Variants in SLC9A9 observed in about 807,000 individuals in gnomAD.
The protein encoded by SLC9A9 is sodium/hydrogen exchanger 9.
A neutral mutation model predicts 77.8 loss-of-function variants in SLC9A9; 62 were observed. The ratio of observed to expected loss-of-function variants is 0.80; its 90% CI spans 0.65 to 0.98. The LOEUF (loss-of-function observed/expected upper bound fraction) is 0.98. SLC9A9 is among the 50% of genes least tolerant of loss of function. The probability of loss-of-function intolerance (pLI) is 0.00; values close to 1 mark genes in which losing one functional copy is unlikely to be tolerated. For synonymous variants in SLC9A9, 320 were observed against 283.5 expected (o/e 1.13, Z -1.29); for missense variants, 775 against 774.9 (o/e 1.00, Z 0.00).
intron 6 of SLC9A9, among the ~76,000 whole-genome samples, chr3:143,650,140 G>C (rs2038773024): frequency 1.3e-5 from 2 of 152,150 alleles, no homozygotes; most frequent in South Asian, 4.1e-4. Flanking sequence ...TTGTTCAAAG[G>C]CATCGAGATA....
chr3:143,612,919 T>C (rs550366387), intron 6 of SLC9A9, among the ~76,000 whole-genome samples: 6 of 152,318 alleles, frequency 3.9e-5, no homozygotes, highest in Admixed American at 2.6e-4. Context: ...TGGACTGATA[T>C]GGATTTTTTC....
intron 5 of SLC9A9, among the ~76,000 whole-genome samples, chr3:143,667,321 A>G (rs1236871523): frequency 6.6e-6 from 1 of 152,252 alleles, no homozygotes; most frequent in African/African-American, 2.4e-5. Flanking sequence ...ACCTTATACA[A>G]AAATTAATTC....
intron 14 of SLC9A9, among the ~76,000 whole-genome samples, chr3:143,353,055 G>T (rs2032504278): frequency 6.6e-6 from 1 of 152,152 alleles, no homozygotes; most frequent in African/African-American, 2.4e-5. Flanking sequence ...TAGTTGCCCT[G>T]AACTTTTCAC....
intron 4 of SLC9A9, among the ~76,000 whole-genome samples, chr3:143,693,664 T>G (rs752323194): frequency 2.4e-4 from 36 of 152,164 alleles, no homozygotes; most frequent in Non-Finnish European, 4.6e-4. Flanking sequence ...TTGATTGCTT[T>G]TCAGTTTTCC....
chr3:143,628,461 A>C (rs1488533707), intron 6 of SLC9A9, among the ~76,000 whole-genome samples: 2 of 152,180 alleles, frequency 1.3e-5, no homozygotes, highest in Non-Finnish European at 2.9e-5. Context: ...CAAAAGTGAA[A>C]AACAGAATGG....
At chr3:143,615,719 A>G (rs1001035201) in intron 6 of SLC9A9, among the ~76,000 whole-genome samples, 5 of 152,168 alleles carry the variant, frequency 3.3e-5, no homozygotes, top group African/African-American at 1.2e-4. Flanking sequence ...CAAATTTATC[A>G]TCACTGACTT....
At chr3:143,826,452 G>T (rs1010135765) in intron 2 of SLC9A9, among the ~76,000 whole-genome samples, 1 of 151,988 alleles carries the variant, frequency 6.6e-6, no homozygotes, top group Non-Finnish European at 1.5e-5. Flanking sequence ...TTCCTTCCTC[G>T]TTTTTCTTGC....
intron 5 of SLC9A9, 123 bp downstream of exon 5, chr3:143,693,069 C>A (rs1933523701): frequency 2.8e-6 from 2 of 717,624 alleles, no homozygotes; most frequent in East Asian, 2.7e-5. Context: ...ACAGATATGT[C>A]AACTGCAGGT....
At chr3:143,317,461 C>G (rs192160350) in intron 14 of SLC9A9, among the ~76,000 whole-genome samples, 1 of 152,296 alleles carries the variant, frequency 6.6e-6, no homozygotes, top group East Asian at 1.9e-4. Flanking sequence ...TTTCCTTAGT[C>G]AAAATCCTCC....
chr3:143,332,156 G>A (rs1209371825), intron 14 of SLC9A9, among the ~76,000 whole-genome samples: 1 of 152,176 alleles, frequency 6.6e-6, no homozygotes. Flanking sequence ...TTAGAGTTTG[G>A]CATTATTCTG....
At chr3:143,669,438 G>A (rs1215388429) in intron 5 of SLC9A9, among the ~76,000 whole-genome samples, 1 of 152,222 alleles carries the variant, frequency 6.6e-6, no homozygotes, top group East Asian at 1.9e-4. Flanking sequence ...CCATGGAGCT[G>A]TTGAACTGCT....
intron 2 of SLC9A9, among the ~76,000 whole-genome samples, chr3:143,803,582 C>T (rs1168727102): frequency 1.3e-5 from 2 of 152,174 alleles, no homozygotes; most frequent in African/African-American, 4.8e-5. Flanking sequence ...TCTTTGCTGG[C>T]AGGGCACCCT....
rs1576488062 is a variant in SLC9A9 at position 143,424,520 on chromosome 3, A to G, written c.1470-42406T>C. Among the ~76,000 whole-genome samples, 2 of 151,438 alleles carry G rather than the reference A, an allele frequency of 1.3e-5. 1 individual carries two copies. Among genetic ancestry groups the G allele is most frequent in the South Asian group, 4.2e-4 (2 of 4,776 alleles). ...TCTCAATCTCCTGACCTCATGATCC[A>G]CCTGCCTCCGCCTCCCCAAGTGCTG... On this transcript the variant is annotated intron_variant, in intron 12 of 15. Coordinates refer to ENST00000316549, the MANE Select transcript of SLC9A9 (RefSeq NM_173653.4).
At chr3:143,626,123 C>A (rs1311081776) in intron 6 of SLC9A9, among the ~76,000 whole-genome samples, 2 of 152,160 alleles carry the variant, frequency 1.3e-5, no homozygotes, top group Non-Finnish European at 2.9e-5. Context: ...ACAACAGGTG[C>A]TGGAGAGGAT....
At chr3:143,271,215 A>G (rs1020659215) in intron 14 of SLC9A9, among the ~76,000 whole-genome samples, 2 of 152,208 alleles carry the variant, frequency 1.3e-5, no homozygotes, top group African/African-American at 4.8e-5. Flanking sequence ...GTACAACTAT[A>G]TAATACTATT....
intron 13 of SLC9A9, among the ~76,000 whole-genome samples, chr3:143,370,567 G>GCACACACACACA (rs57705324): frequency 0.035 from 5,002 of 143,296 alleles, 97 homozygotes; most frequent in Non-Finnish European, 0.041. Context: ...GCATGTGCGC[G>GCACACACACACA]CACACACACA....
intron 4 of SLC9A9, among the ~76,000 whole-genome samples, chr3:143,747,741 G>A (rs1036785996): frequency 1.3e-5 from 2 of 152,238 alleles, no homozygotes; most frequent in African/African-American, 4.8e-5. Flanking sequence ...CCTTGGTTTG[G>A]TGATACTGAC....
At chr3:143,744,080 T>C (rs1287251558) in intron 4 of SLC9A9, among the ~76,000 whole-genome samples, 1 of 152,206 alleles carries the variant, frequency 6.6e-6, no homozygotes, top group Non-Finnish European at 1.5e-5. Flanking sequence ...ATCAATTAAA[T>C]ATTTACTATG....
chr3:143,449,832 T>TTTA (rs1417068815), intron 12 of SLC9A9, among the ~76,000 whole-genome samples: 6 of 35,586 alleles, frequency 1.7e-4, no homozygotes, highest in Admixed American at 1.3e-3. Flanking sequence ...ACATATATAA[T>TTTA]TATATGTATT....
Sources: allele counts gnomAD v4.1 joint callset (sites outside exome capture counted in the v4.1 genomes callset), GRCh38; gene constraint gnomAD v4.1.1; transcripts MANE v1.5; gene names NCBI Gene and HGNC (gene_info 2026-07-23, HGNC 2026-07-21).